The following ITPKB variants were observed in gnomAD, a reference collection of about 807,000 sequenced individuals.
The protein encoded by ITPKB is inositol-trisphosphate 3-kinase B.
A neutral mutation model predicts 69.4 loss-of-function variants in ITPKB; 13 were observed. The ratio of observed to expected loss-of-function variants is 0.19; its 90% CI spans 0.12 to 0.30. ITPKB has a LOEUF of 0.30. ITPKB is among the 10% of genes least tolerant of loss of function. The pLI is 1.00. For missense variants in ITPKB, 1,240 were observed against 1,250.5 expected, an observed-to-expected ratio of 0.99 and a Z score of 0.13; for synonymous variants, 584 against 513.7, an observed-to-expected ratio of 1.14 and a Z score of -1.85.
chr1:226,702,841 TTAAC>T (rs1656701249), intron 2 of ITPKB, among the ~76,000 whole-genome samples: 1 of 152,174 alleles, frequency 6.6e-6, no homozygotes, highest in Non-Finnish European at 1.5e-5. Flanking sequence ...GTGCTTACCT[TTAAC>T]TAACTGTTCC....
intron 2 of ITPKB, among the ~76,000 whole-genome samples, chr1:226,689,878 G>A (rs1438693192): frequency 6.6e-6 from 1 of 152,030 alleles, no homozygotes; most frequent in Non-Finnish European, 1.5e-5. Context: ...TTGGTTTTCG[G>A]TTCCTGTGTT....
chr1:226,674,014 A>G (rs763951755), intron 2 of ITPKB, among the ~76,000 whole-genome samples: 4 of 151,984 alleles, frequency 2.6e-5, no homozygotes, highest in Admixed American at 1.3e-4. Context: ...TATATCCTCA[A>G]ACTGCTCCAT....
At chr1:226,657,620 G>A (rs542455256) in intron 2 of ITPKB, among the ~76,000 whole-genome samples, 9 of 152,302 alleles carry the variant, frequency 5.9e-5, no homozygotes, top group African/African-American at 2.2e-4. Context: ...AAGAGATCAC[G>A]TTACATGTCT....
rs533123127 is a variant in ITPKB, at chr1:226,661,298, T to C, written c.1933-12527A>G. 2.8e-4 allele frequency among the ~76,000 whole-genome samples: 42 copies of C among 152,364 alleles called. No individual in the cohort carries two copies. In the South Asian group the frequency reaches 8.5e-3, roughly 31 times the overall value. On this transcript the variant is annotated intron_variant, in intron 2 of 7. Transcript: ENST00000429204. ...CCAGTTCAAGAAATAGCTCGTGTGC[T>C]TACCAGAGCCAGACACAGGGCTGAG... is the stretch of plus-strand genomic sequence containing the variant.
At chr1:226,650,846 G>A (rs1236106637) in intron 2 of ITPKB, among the ~76,000 whole-genome samples, 1 of 152,198 alleles carries the variant, frequency 6.6e-6, no homozygotes, top group Admixed American at 6.5e-5. Flanking sequence ...TCCTGTGTCC[G>A]GTGAGGGACA....
chr1:226,732,493 C>T (rs1657619276), intron 2 of ITPKB, among the ~76,000 whole-genome samples: 1 of 151,608 alleles, frequency 6.6e-6, no homozygotes, highest in Non-Finnish European at 1.5e-5. Flanking sequence ...CCGCCTTGGC[C>T]TCCGAAAGTG....
chr1:226,652,887 A>T (rs1450898909), intron 2 of ITPKB, among the ~76,000 whole-genome samples: 1 of 152,194 alleles, frequency 6.6e-6, no homozygotes, highest in Non-Finnish European at 1.5e-5. Flanking sequence ...CCTCACACAC[A>T]GATGTGGGGT....
chr1:226,665,411 G>C (rs922992171), intron 2 of ITPKB, among the ~76,000 whole-genome samples: 4 of 152,212 alleles, frequency 2.6e-5, no homozygotes, highest in African/African-American at 9.6e-5. Flanking sequence ...AAACAGAAAT[G>C]AAAATGCACA....
chr1:226,731,286 G>A (rs1343128995), intron 2 of ITPKB, among the ~76,000 whole-genome samples: 1 of 152,148 alleles, frequency 6.6e-6, no homozygotes, highest in Admixed American at 6.5e-5. Flanking sequence ...TCTACCACCA[G>A]ACTAATTATT....
chr1:226,713,071 CAT>C (rs1293474960), intron 2 of ITPKB, among the ~76,000 whole-genome samples: 2 of 149,376 alleles, frequency 1.3e-5, no homozygotes, highest in Non-Finnish European at 2.9e-5. Flanking sequence ...TGCACACACA[CAT>C]ACACACGTGC....
At chr1:226,693,148 A>T (rs3768393) in intron 2 of ITPKB, among the ~76,000 whole-genome samples, 4,538 of 152,344 alleles carry the variant, frequency 0.03, 139 homozygotes, top group East Asian at 0.16. Flanking sequence ...CTTCTGGTCA[A>T]CTTCGGTGAG....
rs760723949 is a variant in ITPKB at position 226,738,719 on chromosome 1, G to T, written c.-206+322C>A. On this transcript the variant is annotated intron_variant, in intron 1 of 7. Coordinates refer to ENST00000429204, the MANE Select transcript of ITPKB (RefSeq NM_002221.4). This position sits in a 1 kb window ranked among gnomAD's most constrained non-coding sequence, Gnocchi z 4.2. ...GCGCCGCGGAGCGCAGGGCTTCTCCGCATCCCGGGCAGCCTCGCCCGGCGC... is the reference window on the plus strand; with the variant it reads ...GCGCCGCGGAGCGCAGGGCTTCTCCTCATCCCGGGCAGCCTCGCCCGGCGC... Among the ~76,000 whole-genome samples, 1 of 152,182 alleles carries T rather than the reference G, an allele frequency of 6.6e-6. No homozygotes were observed. Among genetic ancestry groups the T allele is most frequent in the African/African-American group, 2.4e-5 (1 of 41,454 alleles).
intron 2 of ITPKB, among the ~76,000 whole-genome samples, chr1:226,672,747 G>C (rs1020046121): frequency 1.4e-4 from 22 of 152,190 alleles, no homozygotes; most frequent in African/African-American, 5.3e-4. Context: ...GGCATGTGTG[G>C]GAAGCACTGG....
intron 2 of ITPKB, among the ~76,000 whole-genome samples, chr1:226,696,924 C>T (rs2102785005): frequency 6.6e-6 from 1 of 152,324 alleles, no homozygotes; most frequent in Admixed American, 6.5e-5. Context: ...GCACACAGCT[C>T]ACACTCAATG....
rs369547249 is a variant in ITPKB at position 226,649,545 on chromosome 1, C to T, written c.1933-774G>A. 6.3e-4 allele frequency among the ~76,000 whole-genome samples: 90 copies of T among 142,330 alleles called. No individual in the cohort carries two copies. In the Middle Eastern group the frequency reaches 0.013, roughly 20 times the overall value. 93.4% of individuals were successfully genotyped at this position (142,330 alleles called of 152,430 possible). A position where few individuals can be genotyped will look rare whatever the true frequency, so the allele number is the denominator to read the frequency against. ...TGTGATGTGTGCATGTGTGTGCATG[C>T]GTGTGTGATATGCACATATGTGTGC... On this transcript the variant is annotated intron_variant, in intron 2 of 7. Coordinates refer to ENST00000429204, the MANE Select transcript of ITPKB (RefSeq NM_002221.4).
chr1:226,710,905 C>T (rs997057009), intron 2 of ITPKB, among the ~76,000 whole-genome samples: 4 of 152,116 alleles, frequency 2.6e-5, no homozygotes, highest in African/African-American at 9.7e-5. Flanking sequence ...CTTCATTGTC[C>T]CACTGGACTT....
Position 226,735,626 on chromosome 1 carries a change from G to C in ITPKB, c.1833C>G (p.Ser611=). The change falls in exon 2 of 8, where the codon TCC becomes TCG. Residue 611 remains serine (S), a synonymous_variant. Transcript: ENST00000429204. The part of the protein sequence containing the change: ...SSASSTGFSS[S]YEDSEEDISS... ...AGATGTCCTCCTCTGAGTCTTCGTA[G>C]GATGAGGAGAAGCCCGTGGAGGAGG... The C allele has an allele frequency of 2.5e-6, 4 of 1,611,014 alleles. No individual in the cohort carries two copies. The highest frequency in any genetic ancestry group is 3.4e-6 in the Non-Finnish European group (4 of 1,178,372).
intron 4 of ITPKB, among the ~76,000 whole-genome samples, chr1:226,645,805 A>C (rs1439834016): frequency 6.6e-6 from 1 of 152,148 alleles, no homozygotes; most frequent in African/African-American, 2.4e-5. Flanking sequence ...TAAAGATAGT[A>C]AGGAACTTGG....
chr1:226,722,551 G>A (rs1263459406), intron 2 of ITPKB, among the ~76,000 whole-genome samples: 1 of 152,196 alleles, frequency 6.6e-6, no homozygotes, highest in Non-Finnish European at 1.5e-5. Context: ...GCTTTACCCT[G>A]AGATCGAAAC....
Sources: allele counts gnomAD v4.1 joint callset (sites outside exome capture counted in the v4.1 genomes callset), GRCh38; gene constraint gnomAD v4.1.1; non-coding constraint Gnocchi (gnomAD v3.1); transcripts MANE v1.5; gene names NCBI Gene and HGNC (gene_info 2026-07-23, HGNC 2026-07-21).